Variants in MIPOL1 observed in about 807,000 individuals in gnomAD.
MIPOL1 encodes the protein mirror-image polydactyly gene 1 protein.
In MIPOL1, 57 loss-of-function variants were observed where a neutral mutation model predicts 60.9. The observed-to-expected ratio is 0.94, with a 90% CI of 0.76 to 1.17. MIPOL1 has a LOEUF of 1.17. Ranked by LOEUF, MIPOL1 falls within the 50% of genes most tolerant of loss-of-function variation. MIPOL1 has a pLI of 0.00. For synonymous variants in MIPOL1, 179 were observed against 168.8 expected (o/e 1.06, Z -0.47); for missense variants, 551 against 511.6 (o/e 1.08, Z -0.74).
chr14:37,305,697 C>A (rs1456712773), intron 7 of MIPOL1, among the ~76,000 whole-genome samples: 1 of 151,784 alleles, frequency 6.6e-6, no homozygotes, highest in African/African-American at 2.4e-5. Flanking sequence ...TTTCCAGACT[C>A]ATGTTTGTAT....
chr14:37,325,584 CTT>C (rs1481181051), intron 9 of MIPOL1, among the ~76,000 whole-genome samples: 1 of 149,210 alleles, frequency 6.7e-6, no homozygotes, highest in African/African-American at 2.5e-5. Context: ...TCTTCCTTCT[CTT>C]TTTCTCCTTC....
At chr14:37,273,987 G>T (rs1430744381) in intron 6 of MIPOL1, among the ~76,000 whole-genome samples, 1 of 151,254 alleles carries the variant, frequency 6.6e-6, no homozygotes, top group Non-Finnish European at 1.5e-5. Context: ...ACATTTTATT[G>T]TTTGGCTTTT....
intron 3 of MIPOL1, among the ~76,000 whole-genome samples, chr14:37,248,288 G>A (rs1594724725): frequency 6.6e-6 from 1 of 151,974 alleles, no homozygotes; most frequent in Non-Finnish European, 1.5e-5. Context: ...ACATAGAGAA[G>A]GAGATCCTCA....
intron 1 of MIPOL1, among the ~76,000 whole-genome samples, chr14:37,208,226 T>C (rs1167405542): frequency 6.6e-6 from 1 of 152,154 alleles, no homozygotes; most frequent in African/African-American, 2.4e-5. Context: ...GAGAATGACT[T>C]TCAATATGTG....
intron 1 of MIPOL1, among the ~76,000 whole-genome samples, chr14:37,234,390 T>G (rs1328559021): frequency 1.3e-5 from 2 of 150,860 alleles, no homozygotes; most frequent in African/African-American, 4.9e-5. Context: ...GGGATCTTGC[T>G]GTATTGCCCT....
At chr14:37,544,324 G>A (rs1375056540) in intron 12 of MIPOL1, among the ~76,000 whole-genome samples, 1 of 152,160 alleles carries the variant, frequency 6.6e-6, no homozygotes, top group African/African-American at 2.4e-5. Context: ...CCTAGGTGCA[G>A]CATTTTTAGT....
chr14:37,286,389 G>A (rs946076843), intron 7 of MIPOL1, among the ~76,000 whole-genome samples: 1 of 152,136 alleles, frequency 6.6e-6, no homozygotes, highest in African/African-American at 2.4e-5. Context: ...CCTGGGTTGG[G>A]ACTGGAGATT....
At chr14:37,486,899 C>G (rs111269328) in intron 11 of MIPOL1, among the ~76,000 whole-genome samples, 1 of 152,126 alleles carries the variant, frequency 6.6e-6, no homozygotes, top group African/African-American at 2.4e-5. Context: ...GAGAGGGCAT[C>G]CTTGTCTTGT....
intron 11 of MIPOL1, among the ~76,000 whole-genome samples, chr14:37,431,892 T>C (rs1165697547): frequency 6.6e-6 from 1 of 152,084 alleles, no homozygotes; most frequent in Non-Finnish European, 1.5e-5. Flanking sequence ...GCCCTGTTTC[T>C]AGTTTAGTAT....
At chr14:37,304,272 G>A (rs1448959686) in intron 7 of MIPOL1, among the ~76,000 whole-genome samples, 1 of 151,310 alleles carries the variant, frequency 6.6e-6, no homozygotes, top group African/African-American at 2.4e-5. Context: ...TACAGTGTCT[G>A]CTTTGTCTTA....
intron 7 of MIPOL1, among the ~76,000 whole-genome samples, chr14:37,302,300 A>G (rs1373185144): frequency 7.2e-6 from 1 of 139,558 alleles, no homozygotes; most frequent in African/African-American, 2.7e-5. Flanking sequence ...TGGATGTTAG[A>G]CATTCTAACA....
chr14:37,487,254 T>C (rs1303211489), intron 11 of MIPOL1, among the ~76,000 whole-genome samples: 1 of 152,246 alleles, frequency 6.6e-6, no homozygotes, highest in East Asian at 1.9e-4. Context: ...TTATTGAAGA[T>C]TTTTGCATCA....
At chr14:37,211,785 C>A (rs528217636) in intron 1 of MIPOL1, among the ~76,000 whole-genome samples, 2 of 152,064 alleles carry the variant, frequency 1.3e-5, no homozygotes, top group South Asian at 4.2e-4. Context: ...TAACCCCAGG[C>A]TGCGTAGCTC....
chr14:37,218,488 G>A (rs1032240039), intron 1 of MIPOL1, among the ~76,000 whole-genome samples: 4 of 152,002 alleles, frequency 2.6e-5, no homozygotes, highest in Admixed American at 6.6e-5. Flanking sequence ...GCGCCTGGCC[G>A]ATTTTATCTC....
intron 10 of MIPOL1, among the ~76,000 whole-genome samples, chr14:37,407,283 A>G (rs981545212): frequency 2.6e-5 from 4 of 152,148 alleles, no homozygotes; most frequent in African/African-American, 4.8e-5. Context: ...CTACTAATCC[A>G]AAGTCTAATT....
chr14:37,444,471 T>C (rs1332077191), intron 11 of MIPOL1, among the ~76,000 whole-genome samples: 7 of 152,224 alleles, frequency 4.6e-5, no homozygotes, highest in African/African-American at 2.4e-5. Context: ...CTGCAGGCTA[T>C]ATATTACCCT....
chr14:37,346,854 G>C (rs1217847262), intron 9 of MIPOL1, among the ~76,000 whole-genome samples: 2 of 152,158 alleles, frequency 1.3e-5, no homozygotes, highest in Non-Finnish European at 2.9e-5. Context: ...TACTGGTTCA[G>C]AGAAGTGATA....
At chr14:37,279,648 G>A (rs1034349236) in intron 6 of MIPOL1, among the ~76,000 whole-genome samples, 7 of 151,668 alleles carry the variant, frequency 4.6e-5, no homozygotes, top group African/African-American at 9.7e-5. Context: ...AATAATAATC[G>A]TATATATTAT....
At chr14:37,341,055 AG>A in intron 9 of MIPOL1, among the ~76,000 whole-genome samples, 1 of 152,228 alleles carries the variant, frequency 6.6e-6, no homozygotes, top group South Asian at 2.1e-4. Context: ...GATGTGCAGT[AG>A]GCTATACCAT....
Sources: gnomAD v4.1 joint callset for allele counts (sites outside exome capture counted in the v4.1 genomes callset) on GRCh38, gnomAD v4.1.1 for gene constraint, MANE v1.5 for transcripts, NCBI Gene and HGNC (gene_info 2026-07-23, HGNC 2026-07-21) for gene names.